PTPRA: variants seen among roughly 807,000 people sequenced by gnomAD.
The protein encoded by PTPRA is protein tyrosine phosphatase receptor type A.
Under a neutral mutation model 104.8 loss-of-function variants are expected in PTPRA, and 25 were observed. The observed-to-expected ratio is 0.24, with a 90% confidence interval of 0.17 to 0.33. PTPRA has a LOEUF of 0.33. PTPRA is among the 10% of genes least tolerant of loss of function. PTPRA has a pLI of 1.00. For synonymous variants in PTPRA, 323 were observed against 368.9 expected (o/e 0.88, Z 1.43); for missense variants, 765 against 1,015.3 (o/e 0.75, Z 3.35).
rs544315759 is a variant in PTPRA, at chr20:2,919,693, T to C, written c.-128-3514T>C. 9.5e-4 allele frequency among the ~76,000 whole-genome samples: 144 copies of C among 151,782 alleles called. 1 individual carries two copies. The highest frequency in any genetic ancestry group is 1.9e-3 in the Non-Finnish European group (132 of 67,996). On this transcript the variant is annotated intron_variant, in intron 1 of 23. Coordinates refer to ENST00000399903, the MANE Select transcript of PTPRA (RefSeq NM_001385305.1). ...CATAAACAGTTAAAGTAGCTTACTC[T>C]CAGCTGGGGGAGGCCATAAACAGTT...
At chr20:2,996,506 A>C (rs894762917) in intron 9 of PTPRA, among the ~76,000 whole-genome samples, 1 of 152,264 alleles carries the variant, frequency 6.6e-6, no homozygotes, top group Non-Finnish European at 1.5e-5. Flanking sequence ...CCAGAATGGA[A>C]AAGTTTGAAA....
intron 1 of PTPRA, among the ~76,000 whole-genome samples, chr20:2,887,794 G>T (rs1271613429): frequency 6.6e-6 from 1 of 152,208 alleles, no homozygotes; most frequent in African/African-American, 2.4e-5. Flanking sequence ...GTGTGGGATA[G>T]TTCCAGGACT....
At chr20:3,016,951 CAA>C (rs1009015105) in intron 12 of PTPRA, among the ~76,000 whole-genome samples, 5 of 152,184 alleles carry the variant, frequency 3.3e-5, no homozygotes, top group Non-Finnish European at 5.9e-5. Context: ...CCAGAAGAGT[CAA>C]ATCACAATTT....
At chr20:3,010,816 C>CT (rs1235510475) in intron 11 of PTPRA, among the ~76,000 whole-genome samples, 1 of 152,094 alleles carries the variant, frequency 6.6e-6, no homozygotes, top group African/African-American at 2.4e-5. Flanking sequence ...TAATCACTGG[C>CT]TAGGACATTG....
intron 5 of PTPRA, among the ~76,000 whole-genome samples, chr20:2,966,368 T>C (rs141011295): frequency 1.1e-4 from 16 of 152,330 alleles, no homozygotes; most frequent in Middle Eastern, 3.4e-3. Context: ...TCTTACCTCA[T>C]AGAGGAGATA....
chr20:3,032,253 G>T (rs1332769032), intron 20 of PTPRA, among the ~76,000 whole-genome samples: 1 of 152,130 alleles, frequency 6.6e-6, no homozygotes, highest in Non-Finnish European at 1.5e-5. Flanking sequence ...CCTGTCCACT[G>T]TGCTCTTGGC....
chr20:2,942,814 G>A (rs1192883911), intron 2 of PTPRA, among the ~76,000 whole-genome samples: 3 of 151,584 alleles, frequency 2.0e-5, no homozygotes, highest in African/African-American at 4.8e-5. Flanking sequence ...AATTACAGTA[G>A]TACCTTCTTA....
At chr20:3,020,531 G>T (rs1477845803) in intron 13 of PTPRA, among the ~76,000 whole-genome samples, 1 of 152,222 alleles carries the variant, frequency 6.6e-6, no homozygotes, top group Non-Finnish European at 1.5e-5. Context: ...AAGCCAAAGG[G>T]AATTTGAGGC....
chr20:2,888,279 G>T (rs1347805697), intron 1 of PTPRA, among the ~76,000 whole-genome samples: 4 of 152,154 alleles, frequency 2.6e-5, no homozygotes, highest in Non-Finnish European at 4.4e-5. Context: ...GCATTTTCAG[G>T]CTAGGTGTGG....
chr20:2,871,650 T>G (rs1041069805), upstream of PTPRA, among the ~76,000 whole-genome samples: 7 of 152,238 alleles, frequency 4.6e-5, no homozygotes, highest in African/African-American at 1.7e-4. Context: ...CTCCTGCGTT[T>G]GCAGTCATTA....
In PTPRA at chr20:3,027,758, A is replaced by G; in HGVS notation, c.1837A>G (p.Thr613Ala). The change falls in exon 20 of 24, where the codon ACA becomes GCA. Residue 613 changes from threonine (T) to alanine (A), a missense_variant. Physicochemically the swap from Thr to Ala is moderately conservative, Grantham distance 58 (BLOSUM62 0). Around this residue, in one of 4 missense-constraint regions of PTPRA, gnomAD observed 192 missense variants for 227.0 expected, o/e 0.85. Coordinates refer to ENST00000399903, the MANE Select transcript of PTPRA (RefSeq NM_001385305.1). ...YIASQGPLLH[T>A]IEDFWRMIWE... ...CGCCAGCCAGGGCCCTCTTCTCCACACAATTGAGGACTTCTGGCGAATGAT... is the reference window on the plus strand; with the variant it reads ...CGCCAGCCAGGGCCCTCTTCTCCACGCAATTGAGGACTTCTGGCGAATGAT... The G allele has an allele frequency of 6.2e-7, 1 of 1,614,052 alleles. No individual in the cohort carries two copies. The highest frequency in any genetic ancestry group is 8.5e-7 in the Non-Finnish European group (1 of 1,179,990).
At chr20:2,871,450 T>C (rs2089426119), upstream of PTPRA, among the ~76,000 whole-genome samples, 2 of 152,136 alleles carry the variant, frequency 1.3e-5, no homozygotes, top group Admixed American at 1.3e-4. Flanking sequence ...GCAATCACTA[T>C]TTCAGTTATA....
the PTPRA span, chr20:2,866,539 AT>A: frequency 6.2e-7 from 1 of 1,614,164 alleles, no homozygotes; most frequent in Non-Finnish European, 8.5e-7. Context: ...AGCTGACAAG[AT>A]TCAACGGGCC....
intron 11 of PTPRA, among the ~76,000 whole-genome samples, chr20:3,008,483 A>C (rs2063977721): frequency 6.6e-6 from 1 of 152,124 alleles, no homozygotes; most frequent in African/African-American, 2.4e-5. Context: ...GGAGGGAGGA[A>C]TGAGGAGTGG....
chr20:2,962,799 C>T (rs1055177270), intron 3 of PTPRA, among the ~76,000 whole-genome samples: 1 of 152,178 alleles, frequency 6.6e-6, no homozygotes, highest in Admixed American at 6.5e-5. Context: ...ACCCATTTCC[C>T]TGCTAGGCAC....
intron 5 of PTPRA, among the ~76,000 whole-genome samples, chr20:2,970,106 C>G (rs933500624): frequency 6.6e-6 from 1 of 151,978 alleles, no homozygotes; most frequent in Non-Finnish European, 1.5e-5. Flanking sequence ...CATACTTGCT[C>G]TTTGTTTTAG....
chr20:2,872,914 G>A (rs1273746065), upstream of PTPRA, among the ~76,000 whole-genome samples: 1 of 152,210 alleles, frequency 6.6e-6, no homozygotes, highest in Non-Finnish European at 1.5e-5. This position sits in a 1 kb window ranked among gnomAD's most constrained non-coding sequence, Gnocchi z 7.9. Flanking sequence ...TCTGGAAAGC[G>A]GGGGAGATTA....
intron 2 of PTPRA, among the ~76,000 whole-genome samples, chr20:2,944,252 G>A (rs1389178328): frequency 8.6e-5 from 13 of 152,028 alleles, no homozygotes; most frequent in South Asian, 2.1e-4. Context: ...ATGTTGGCCA[G>A]GCTGGTCTCG....
In PTPRA at chr20:3,004,277, C is replaced by A. The variant is rs183432054; in HGVS notation, c.739-779C>A. Among the ~76,000 whole-genome samples the A allele has an allele frequency of 5.9e-5, 9 of 152,322 alleles. 1 individual carries two copies. Among genetic ancestry groups the A allele is most frequent in the African/African-American group, 2.2e-4 (9 of 41,568 alleles). On this transcript the variant is annotated intron_variant, in intron 9 of 23. Coordinates refer to ENST00000399903, the MANE Select transcript of PTPRA (RefSeq NM_001385305.1). ...AGGTGATCCACCCGCCTCAGCCTCC[C>A]AAAGTGCTGGGATTACAGGCGTGAG...
Sources: allele counts gnomAD v4.1 joint callset (sites outside exome capture counted in the v4.1 genomes callset), GRCh38; gene constraint gnomAD v4.1.1; regional missense constraint gnomAD v4.1.1; non-coding constraint Gnocchi (gnomAD v3.1); transcripts MANE v1.5; gene names NCBI Gene and HGNC (gene_info 2026-07-23, HGNC 2026-07-21).